Variants in ARHGAP24 observed in about 807,000 individuals in gnomAD.
The protein encoded by ARHGAP24 is Rho GTPase activating protein 24.
A neutral mutation model predicts 76.4 loss-of-function variants in ARHGAP24; 50 were observed. The observed-to-expected ratio is 0.65, with a 90% confidence interval of 0.52 to 0.83. The LOEUF (loss-of-function observed/expected upper bound fraction) is 0.83, where lower values mean the gene tolerates loss of function less well. ARHGAP24 is among the 40% of genes least tolerant of loss of function. ARHGAP24 has a pLI of 0.00. For synonymous variants in ARHGAP24, 345 were observed against 323.3 expected, an observed-to-expected ratio of 1.07 and a Z score of -0.72; for missense variants, 930 against 914.2, an observed-to-expected ratio of 1.02 and a Z score of -0.22.
chr4:85,940,733 A>G (rs942315978), intron 4 of ARHGAP24, among the ~76,000 whole-genome samples: 2 of 152,198 alleles, frequency 1.3e-5, no homozygotes, highest in African/African-American at 4.8e-5. Flanking sequence ...TCTGCTTTAT[A>G]TACTTGAATA....
At chr4:85,677,847 G>A (rs752766648) in intron 2 of ARHGAP24, among the ~76,000 whole-genome samples, 8 of 152,132 alleles carry the variant, frequency 5.3e-5, no homozygotes, top group Non-Finnish European at 1.2e-4. Flanking sequence ...TTAAAGAGCT[G>A]TTTCAGCCTG....
chr4:85,851,704 A>G (rs552181446), intron 3 of ARHGAP24, among the ~76,000 whole-genome samples: 33 of 152,286 alleles, frequency 2.2e-4, no homozygotes, highest in Non-Finnish European at 3.5e-4. Flanking sequence ...TCCTTCACTT[A>G]TGAAGCTTAG....
intron 1 of ARHGAP24, among the ~76,000 whole-genome samples, chr4:85,505,162 T>C (rs541784661): frequency 2.0e-5 from 3 of 152,326 alleles, no homozygotes; most frequent in Admixed American, 1.3e-4. Context: ...CATTTTTTCC[T>C]TCATTTCAAC....
At chr4:85,580,050 C>T (rs1471988633) in intron 2 of ARHGAP24, among the ~76,000 whole-genome samples, 1 of 152,008 alleles carries the variant, frequency 6.6e-6, no homozygotes, top group Non-Finnish European at 1.5e-5. Flanking sequence ...TATTCAATTT[C>T]AATCTAATTT....
At chr4:85,921,915 C>T (rs575103771) in intron 3 of ARHGAP24, among the ~76,000 whole-genome samples, 3 of 152,198 alleles carry the variant, frequency 2.0e-5, no homozygotes, top group African/African-American at 7.2e-5. Flanking sequence ...ACCATCCCCC[C>T]CCACCACCCC....
chr4:85,603,873 T>A (rs1057104527), intron 2 of ARHGAP24, among the ~76,000 whole-genome samples: 15 of 152,300 alleles, frequency 9.8e-5, no homozygotes, highest in Admixed American at 4.6e-4. Flanking sequence ...ATTTTTTTTT[T>A]AATCTTTGAA....
At chr4:85,681,648 A>G (rs1404954326) in intron 2 of ARHGAP24, among the ~76,000 whole-genome samples, 2 of 152,220 alleles carry the variant, frequency 1.3e-5, no homozygotes, top group Non-Finnish European at 2.9e-5. Flanking sequence ...GCAACTTTAA[A>G]TATAATGATT....
chr4:85,596,780 A>G (rs1351577337), intron 2 of ARHGAP24, among the ~76,000 whole-genome samples: 1 of 152,112 alleles, frequency 6.6e-6, no homozygotes, highest in East Asian at 1.9e-4. Flanking sequence ...AAGCTATTAC[A>G]TCATTTGATA....
intron 3 of ARHGAP24, among the ~76,000 whole-genome samples, chr4:85,911,465 T>G (rs1247055268): frequency 6.6e-6 from 1 of 152,256 alleles, no homozygotes; most frequent in African/African-American, 2.4e-5. Context: ...CCTTTGTTTC[T>G]GTTTAATTTT....
chr4:85,793,403 G>C (rs183856252), intron 3 of ARHGAP24, among the ~76,000 whole-genome samples: 197 of 152,150 alleles, frequency 1.3e-3, no homozygotes, highest in African/African-American at 4.5e-3. Context: ...CCATGGTTTT[G>C]AAATAGTGGG....
intron 1 of ARHGAP24, among the ~76,000 whole-genome samples, chr4:85,495,229 T>C (rs1723520782): frequency 6.6e-6 from 1 of 152,000 alleles, no homozygotes; most frequent in Non-Finnish European, 1.5e-5. Flanking sequence ...TTTCTTTCCT[T>C]GATTTGTTTC....
chr4:85,792,153 A>G (rs1728160196), intron 3 of ARHGAP24, among the ~76,000 whole-genome samples: 2 of 151,090 alleles, frequency 1.3e-5, no homozygotes, highest in Non-Finnish European at 3.0e-5. Flanking sequence ...TTTTTTTTAA[A>G]TGAGCTTGAA....
At chr4:85,655,822 G>GAGAGAGAGAGAGAGAGAA (rs1722143866) in intron 2 of ARHGAP24, among the ~76,000 whole-genome samples, 4 of 107,948 alleles carry the variant, frequency 3.7e-5, no homozygotes, top group African/African-American at 1.1e-4. Context: ...GAGAGAAAGA[G>GAGAGAGAGAGAGAGAGAA]AGAGAGAGAG....
chr4:85,666,395 C>G (rs1307731598), intron 2 of ARHGAP24, among the ~76,000 whole-genome samples: 1 of 152,150 alleles, frequency 6.6e-6, no homozygotes, highest in Non-Finnish European at 1.5e-5. Flanking sequence ...ATACATTTGT[C>G]TAAATTTTTT....
At chr4:85,680,765 G>A (rs959386667) in intron 2 of ARHGAP24, among the ~76,000 whole-genome samples, 3 of 148,108 alleles carry the variant, frequency 2.0e-5, no homozygotes, top group African/African-American at 7.4e-5. Context: ...ATTTTAATGG[G>A]GAATAAATAT....
intron 1 of ARHGAP24, among the ~76,000 whole-genome samples, chr4:85,535,431 AG>A (rs1370075766): frequency 6.6e-6 from 1 of 152,234 alleles, no homozygotes; most frequent in Non-Finnish European, 1.5e-5. Flanking sequence ...TGTTATTGGT[AG>A]TACACAAATT....
intron 3 of ARHGAP24, among the ~76,000 whole-genome samples, chr4:85,893,889 A>G (rs1190059557): frequency 7.2e-6 from 1 of 138,584 alleles, no homozygotes; most frequent in East Asian, 2.2e-4. Context: ...CATAGGTGGG[A>G]ATTGAACAAT....
intron 2 of ARHGAP24, among the ~76,000 whole-genome samples, chr4:85,720,334 T>G (rs1724884260): frequency 6.6e-6 from 1 of 152,064 alleles, no homozygotes; most frequent in South Asian, 2.1e-4. Context: ...TTTGAAAAAT[T>G]TCAGACAAGA....
chr4:85,936,310 A>T (rs1463453836), intron 4 of ARHGAP24, among the ~76,000 whole-genome samples: 1 of 152,104 alleles, frequency 6.6e-6, no homozygotes, highest in Non-Finnish European at 1.5e-5. Flanking sequence ...ATAATTGGGG[A>T]GGTAAAGTGT....
Sources: allele counts gnomAD v4.1 joint callset (sites outside exome capture counted in the v4.1 genomes callset), GRCh38; gene constraint gnomAD v4.1.1; transcripts MANE v1.5; gene names NCBI Gene and HGNC (gene_info 2026-07-23, HGNC 2026-07-21).